Variants in NRG3 observed in about 807,000 individuals in gnomAD.
NRG3 encodes neuregulin 3, also known as pro-neuregulin-3, membrane-bound isoform.
NRG3 carries 31 observed loss-of-function variants against 66.9 expected under a neutral mutation model. That is an observed-to-expected ratio of 0.46 (90% CI 0.35 to 0.63). The LOEUF is 0.63. Among genes scored for constraint, NRG3 ranks in the 20% least tolerant of loss-of-function variants. The pLI, the probability that NRG3 is intolerant of heterozygous loss-of-function variation, is 0.00. For synonymous variants in NRG3, 393 were observed against 359.4 expected, an observed-to-expected ratio of 1.09 and a Z score of -1.06; for missense variants, 910 against 878.9, an observed-to-expected ratio of 1.04 and a Z score of -0.45.
intron 1 of NRG3, among the ~76,000 whole-genome samples, chr10:82,233,999 A>G (rs952819820): frequency 6.6e-6 from 1 of 152,052 alleles, no homozygotes; most frequent in Non-Finnish European, 1.5e-5. Context: ...CATATTCTCC[A>G]CATTTATACT....
intron 3 of NRG3, among the ~76,000 whole-genome samples, chr10:82,762,417 C>A (rs1285114311): frequency 6.6e-6 from 1 of 152,120 alleles, no homozygotes; most frequent in Non-Finnish European, 1.5e-5. Context: ...TTATATAATT[C>A]CATGCCATTT....
At chr10:82,949,219 G>C (rs929332686) in intron 4 of NRG3, among the ~76,000 whole-genome samples, 1 of 151,914 alleles carries the variant, frequency 6.6e-6, no homozygotes, top group Non-Finnish European at 1.5e-5. Flanking sequence ...TTGCATTTTT[G>C]TGTATAAACC....
At chr10:82,511,069 A>G (rs1242262904) in intron 2 of NRG3, among the ~76,000 whole-genome samples, 2 of 152,204 alleles carry the variant, frequency 1.3e-5, no homozygotes, top group Admixed American at 1.3e-4. Flanking sequence ...TTGCAAAACC[A>G]CAAATCTGCT....
intron 1 of NRG3, among the ~76,000 whole-genome samples, chr10:82,089,505 G>A (rs186047230): frequency 1.1e-3 from 160 of 152,296 alleles, no homozygotes; most frequent in African/African-American, 3.7e-3. Context: ...AAAGCAGCCA[G>A]GGGGTGGAGT....
chr10:82,768,516 G>A (rs189300924), intron 3 of NRG3, among the ~76,000 whole-genome samples: 23 of 152,190 alleles, frequency 1.5e-4, no homozygotes, highest in African/African-American at 4.3e-4. Context: ...TAGGCTAGAA[G>A]TTACCCCAAG....
chr10:82,150,676 C>G (rs1240885754), intron 1 of NRG3, among the ~76,000 whole-genome samples: 1 of 151,988 alleles, frequency 6.6e-6, no homozygotes, highest in African/African-American at 2.4e-5. Context: ...AACTCCAGAG[C>G]AGAGGGCGCC....
chr10:82,887,610 T>G (rs577364241), intron 4 of NRG3, among the ~76,000 whole-genome samples: 1 of 152,348 alleles, frequency 6.6e-6, no homozygotes, highest in South Asian at 2.1e-4. Flanking sequence ...TATAGCTCAT[T>G]CTGTGAAGCT....
In NRG3 at chr10:81,875,249, C is replaced by T; in HGVS notation, c.-92C>T. 1 of 835,802 alleles carries T rather than the reference C, an allele frequency of 1.2e-6. No homozygotes were observed. Among genetic ancestry groups the T allele is most frequent in the Non-Finnish European group, 1.4e-6 (1 of 696,374 alleles). 51.8% of individuals were successfully genotyped at this position (835,802 alleles called of 1,614,324 possible). A position where few individuals can be genotyped will look rare whatever the true frequency, so the allele number is the denominator to read the frequency against. ...CTGCGCCCGAGCCCGCCGCCGCCGC[C>T]GGAGCCCGCGCCCGCGCCCGCGCCC... On this transcript the variant is annotated 5_prime_UTR_variant, in exon 1 of 9. Transcript: ENST00000372141. The surrounding 1 kb of genome is among the most constrained non-coding windows in gnomAD (Gnocchi z 5.3).
rs759841309 is a variant in NRG3 at position 82,951,593 on chromosome 10, G to T, written c.1157+22G>T. On this transcript the variant is annotated intron_variant, in intron 5 of 8. Coordinates refer to ENST00000372141, the MANE Select transcript of NRG3 (RefSeq NM_001010848.4). ...GCAAGTAAGACTATTTCTCTCAAGT[G>T]TTTAAAGGTTACTTTTAGAGAAAGC... 2.0e-5 allele frequency: 32 copies of T among 1,592,182 alleles called. No homozygotes were observed. The African/African-American group carries it at 3.5e-4, about 17-fold the overall frequency.
intron 1 of NRG3, among the ~76,000 whole-genome samples, chr10:82,162,703 G>A (rs527947074): frequency 6.6e-6 from 1 of 152,134 alleles, no homozygotes; most frequent in Non-Finnish European, 1.5e-5. Flanking sequence ...ACCCAAGACA[G>A]CAACGGAGAT....
rs568092587 is a variant in NRG3 at position 82,787,112 on chromosome 10, T to C, written c.1027+48462T>C. 3.3e-4 allele frequency among the ~76,000 whole-genome samples: 50 copies of C among 152,328 alleles called. 1 individual carries two copies. The highest frequency in any genetic ancestry group is 3.3e-4 in the Admixed American group (5 of 15,302). On this transcript the variant is annotated intron_variant, in intron 3 of 8. Transcript: ENST00000372141. Reference sequence around the variant, plus strand: ...CTCTAGACACATGCACACACACCTATGACCTATGTCTTGTATTGTTTCTTA... The same window carrying C: ...CTCTAGACACATGCACACACACCTACGACCTATGTCTTGTATTGTTTCTTA...
chr10:82,225,263 T>C (rs1366326416), intron 1 of NRG3: 1 of 152,214 alleles, frequency 6.6e-6, no homozygotes, highest in African/African-American at 2.4e-5. Flanking sequence ...GAATATCATT[T>C]GCAAGGAAAG....
intron 2 of NRG3, among the ~76,000 whole-genome samples, chr10:82,500,721 G>A (rs1384050394): frequency 6.6e-6 from 1 of 152,146 alleles, no homozygotes; most frequent in Non-Finnish European, 1.5e-5. Flanking sequence ...TTTATAGTTG[G>A]CCTATACTGA....
intron 1 of NRG3, among the ~76,000 whole-genome samples, chr10:82,269,561 A>G (rs2134294105): frequency 2.0e-5 from 3 of 152,200 alleles, no homozygotes; most frequent in Admixed American, 2.0e-4. Flanking sequence ...GAGTCAGCCG[A>G]AATGAAGACA....
chr10:82,940,442 G>C (rs1848488142), intron 4 of NRG3, among the ~76,000 whole-genome samples: 1 of 152,100 alleles, frequency 6.6e-6, no homozygotes, highest in South Asian at 2.1e-4. Context: ...ATGTGTGTAT[G>C]TGTCTATCTC....
At chr10:82,580,230 A>G (rs1035335650) in intron 2 of NRG3, among the ~76,000 whole-genome samples, 3 of 151,982 alleles carry the variant, frequency 2.0e-5, no homozygotes, top group Middle Eastern at 3.2e-3. Context: ...ACTTTTTAGC[A>G]TGCTAAATAT....
In NRG3 at chr10:82,958,968, C is replaced by A; in HGVS notation, c.1177C>A (p.Gln393Lys). 2 of 1,598,008 alleles carry A rather than the reference C, an allele frequency of 1.3e-6. No individual in the cohort carries two copies. Among genetic ancestry groups the A allele is most frequent in the South Asian group, 1.1e-5 (1 of 87,958 alleles). Residue 393 changes from glutamine to lysine, a missense_variant, in exon 6 of 9, where the codon CAA becomes AAA. Transcript: ENST00000372141. ...FKSKKQAKQI[Q>K]EQLKVPQNGK... ...CTGCAGGAAACAAGCTAAACAAATC[C>A]AAGAGCAGCTGAAAGTGCCACAAAA...
chr10:82,303,260 A>G (rs971987167), intron 1 of NRG3, among the ~76,000 whole-genome samples: 1 of 151,962 alleles, frequency 6.6e-6, no homozygotes, highest in Non-Finnish European at 1.5e-5. Flanking sequence ...CTGTCATTAC[A>G]CCTCTTAATT....
At chr10:81,917,290 A>G (rs1845799413) in intron 1 of NRG3, among the ~76,000 whole-genome samples, 1 of 152,162 alleles carries the variant, frequency 6.6e-6, no homozygotes, top group Non-Finnish European at 1.5e-5. Context: ...GGCTCTCCCC[A>G]AACAATTTAC....
Sources: gnomAD v4.1 joint callset for allele counts (sites outside exome capture counted in the v4.1 genomes callset) on GRCh38, gnomAD v4.1.1 for gene constraint, Gnocchi (gnomAD v3.1) non-coding constraint, MANE v1.5 for transcripts, NCBI Gene and HGNC (gene_info 2026-07-23, HGNC 2026-07-21) for gene names.